ABTB3: variants seen among roughly 807,000 people sequenced by gnomAD.
ABTB3 encodes ankyrin repeat- and BTB/POZ domain-containing protein 3.
the ABTB3 span, among the ~76,000 whole-genome samples, chr12:107,393,488 G>T: frequency 1.3e-5 from 2 of 152,172 alleles, no homozygotes; most frequent in Non-Finnish European, 2.9e-5. Context: ...GACGCCAGCT[G>T]CCCAGTGGCA....
the ABTB3 span, among the ~76,000 whole-genome samples, chr12:107,539,405 G>A: frequency 1.3e-5 from 2 of 152,168 alleles, no homozygotes; most frequent in African/African-American, 4.8e-5. Context: ...CCGGAGGCAG[G>A]CACCCAGCTT....
At chr12:107,427,944 A>C in the ABTB3 span, among the ~76,000 whole-genome samples, 1 of 152,300 alleles carries the variant, frequency 6.6e-6, no homozygotes, top group African/African-American at 2.4e-5. Context: ...TATTCCCAGC[A>C]TGTTAGCACC....
At chr12:107,619,126 G>T in the ABTB3 span, among the ~76,000 whole-genome samples, 1 of 152,194 alleles carries the variant, frequency 6.6e-6, no homozygotes, top group Admixed American at 6.5e-5. Context: ...TCCTAATGCT[G>T]TTCTGGAAAT....
At chr12:107,470,545 G>T in the ABTB3 span, among the ~76,000 whole-genome samples, 1 of 152,174 alleles carries the variant, frequency 6.6e-6, no homozygotes, top group Non-Finnish European at 1.5e-5. Flanking sequence ...CCAGGGTCAC[G>T]GTGTGGGCAG....
At chr12:107,406,960 C>T in the ABTB3 span, among the ~76,000 whole-genome samples, 56 of 152,260 alleles carry the variant, frequency 3.7e-4, no homozygotes, top group African/African-American at 1.2e-3. Context: ...CGCTTTGAGT[C>T]CCGACTCTAC....
chr12:107,336,340 G>A, the ABTB3 span, among the ~76,000 whole-genome samples: 4 of 152,170 alleles, frequency 2.6e-5, no homozygotes, highest in Non-Finnish European at 4.4e-5. Flanking sequence ...CCACTCAATC[G>A]TCTAATCTGG....
the ABTB3 span, among the ~76,000 whole-genome samples, chr12:107,508,017 A>C: frequency 0.019 from 2,903 of 152,272 alleles, 86 homozygotes; most frequent in African/African-American, 0.059. Flanking sequence ...ATTTTCATTG[A>C]AGTCCTAATC....
the ABTB3 span, among the ~76,000 whole-genome samples, chr12:107,596,771 C>T: frequency 6.6e-6 from 1 of 152,262 alleles, no homozygotes. Context: ...CTCTCCTTAC[C>T]CCTCCACCTT....
At chr12:107,464,782 A>AAGGCAGTTTTT in the ABTB3 span, among the ~76,000 whole-genome samples, 1 of 152,192 alleles carries the variant, frequency 6.6e-6, no homozygotes, top group African/African-American at 2.4e-5. Flanking sequence ...TTCTCTATCA[A>AAGGCAGTTTTT]AGGCAGTTTT....
chr12:107,489,337 A>T, the ABTB3 span, among the ~76,000 whole-genome samples: 2 of 152,144 alleles, frequency 1.3e-5, no homozygotes, highest in African/African-American at 4.8e-5. Context: ...CCTGACCAAC[A>T]TCGTGAAACC....
At chr12:107,531,767 C>T in the ABTB3 span, among the ~76,000 whole-genome samples, 1 of 152,118 alleles carries the variant, frequency 6.6e-6, no homozygotes, top group East Asian at 1.9e-4. Context: ...GCTGCTGCGG[C>T]ATAGCACCAT....
the ABTB3 span, among the ~76,000 whole-genome samples, chr12:107,386,847 G>A: frequency 6.6e-6 from 1 of 151,992 alleles, no homozygotes. Flanking sequence ...ACAGTGGCCT[G>A]GGCTTTCCTG....
At chr12:107,455,695 T>C in the ABTB3 span, among the ~76,000 whole-genome samples, 122 of 152,200 alleles carry the variant, frequency 8.0e-4, 1 homozygote, top group Non-Finnish European at 1.4e-3. Context: ...TTTGCATGTA[T>C]CTTCTAGGTC....
At chr12:107,377,038 C>A in the ABTB3 span, among the ~76,000 whole-genome samples, 1 of 152,126 alleles carries the variant, frequency 6.6e-6, no homozygotes, top group East Asian at 1.9e-4. Flanking sequence ...TGCTCAGATA[C>A]CCCTTCAGGA....
chr12:107,466,665 A>G, the ABTB3 span, among the ~76,000 whole-genome samples: 7 of 152,018 alleles, frequency 4.6e-5, no homozygotes, highest in African/African-American at 1.4e-4. Flanking sequence ...GGACTTCTGC[A>G]TGGGGTTGAT....
the ABTB3 span, chr12:107,640,502 C>T: frequency 3.0e-5 from 23 of 763,928 alleles, no homozygotes; most frequent in Non-Finnish European, 4.7e-5. Context: ...GTGGTCTCTT[C>T]GCCGGACTGG....
the ABTB3 span, among the ~76,000 whole-genome samples, chr12:107,616,097 T>C: frequency 6.6e-6 from 1 of 152,198 alleles, no homozygotes; most frequent in African/African-American, 2.4e-5. Context: ...GAGAGCTGGC[T>C]TCTGCCTATA....
At chr12:107,563,369 C>T in the ABTB3 span, among the ~76,000 whole-genome samples, 1 of 152,152 alleles carries the variant, frequency 6.6e-6, no homozygotes, top group South Asian at 2.1e-4. Flanking sequence ...CAGCACTGTT[C>T]GAAGTTCTGG....
chr12:107,436,279 A>G, the ABTB3 span, among the ~76,000 whole-genome samples: 2 of 152,240 alleles, frequency 1.3e-5, no homozygotes, highest in African/African-American at 2.4e-5. Context: ...ATGACCCGCC[A>G]TCCCGGTCGC....
Sources: gnomAD v4.1 joint callset for allele counts (sites outside exome capture counted in the v4.1 genomes callset) on GRCh38, gnomAD v4.1.1 for gene constraint, MANE v1.5 for transcripts, NCBI Gene and HGNC (gene_info 2026-07-23, HGNC 2026-07-21) for gene names.